Variants in CSMD1 observed in about 807,000 individuals in gnomAD.
CSMD1 encodes the protein CUB and Sushi multiple domains 1.
A neutral mutation model predicts 417.5 loss-of-function variants in CSMD1; 213 were observed. The observed-to-expected ratio is 0.51, with a 90% confidence interval of 0.46 to 0.57. The LOEUF (loss-of-function observed/expected upper bound fraction) is 0.57. Among genes scored for constraint, CSMD1 ranks in the 20% least tolerant of loss-of-function variants. The pLI is 0.00. For missense variants in CSMD1, 6,923 were observed against 4,529.7 expected (o/e 1.53, Z -15.17); for synonymous variants, 2,862 against 1,736.8 (o/e 1.65, Z -16.11).
At chr8:2,990,670 T>C (rs373871996) in intron 54 of CSMD1, among the ~76,000 whole-genome samples, 1 of 152,128 alleles carries the variant, frequency 6.6e-6, no homozygotes, top group Non-Finnish European at 1.5e-5. Context: ...TAAGACACAA[T>C]AGAAGCCTGC....
At chr8:4,878,671 G>A (rs951078086) in intron 1 of CSMD1, among the ~76,000 whole-genome samples, 1 of 151,926 alleles carries the variant, frequency 6.6e-6, no homozygotes, top group Non-Finnish European at 1.5e-5. Flanking sequence ...TGTGAAATGT[G>A]TAGGGTCTTA....
chr8:4,616,644 T>A (rs989595793), intron 2 of CSMD1, among the ~76,000 whole-genome samples: 2 of 152,206 alleles, frequency 1.3e-5, no homozygotes, highest in East Asian at 1.9e-4. Flanking sequence ...ACATTGGACA[T>A]GCCAACGCTT....
intron 10 of CSMD1, among the ~76,000 whole-genome samples, chr8:3,540,960 G>C (rs752211730): frequency 1.3e-5 from 2 of 152,184 alleles, no homozygotes; most frequent in Non-Finnish European, 2.9e-5. Flanking sequence ...CCATTGTGGA[G>C]GACAGTGTGG....
At chr8:4,116,860 G>T (rs1385656328) in intron 3 of CSMD1, among the ~76,000 whole-genome samples, 1 of 151,884 alleles carries the variant, frequency 6.6e-6, no homozygotes, top group Non-Finnish European at 1.5e-5. Context: ...GGCATTTACT[G>T]TACAATGTGC....
intron 30 of CSMD1, among the ~76,000 whole-genome samples, chr8:3,206,799 A>G (rs1797319680): frequency 6.6e-6 from 1 of 152,148 alleles, no homozygotes; most frequent in African/African-American, 2.4e-5. Flanking sequence ...AACACTGTAC[A>G]CAGATGTTCA....
At chr8:4,064,754 G>A (rs1289928807) in intron 3 of CSMD1, among the ~76,000 whole-genome samples, 2 of 152,152 alleles carry the variant, frequency 1.3e-5, no homozygotes, top group African/African-American at 4.8e-5. Flanking sequence ...TCTCAGTACT[G>A]CTGTGGAAAC....
intron 5 of CSMD1, among the ~76,000 whole-genome samples, chr8:3,778,204 G>A (rs182691507): frequency 8.8e-4 from 134 of 152,272 alleles, no homozygotes; most frequent in Non-Finnish European, 1.2e-3. Context: ...GATCCTGGCC[G>A]TTTGTCCTTT....
chr8:3,677,032 T>C (rs1419838505), intron 7 of CSMD1, among the ~76,000 whole-genome samples: 2 of 151,854 alleles, frequency 1.3e-5, no homozygotes, highest in Non-Finnish European at 2.9e-5. Context: ...AGGGAGAGCA[T>C]TAGAACAAAT....
chr8:3,080,637 A>T (rs1419501201), intron 49 of CSMD1, among the ~76,000 whole-genome samples: 1 of 152,184 alleles, frequency 6.6e-6, no homozygotes, highest in Admixed American at 6.5e-5. Flanking sequence ...GAACCCCACA[A>T]TTCGGGATGG....
chr8:4,643,146 C>G (rs1004780484), intron 1 of CSMD1, among the ~76,000 whole-genome samples: 1 of 152,174 alleles, frequency 6.6e-6, no homozygotes, highest in African/African-American at 2.4e-5. Flanking sequence ...AGATAAACAT[C>G]AAAAACAGCC....
intron 10 of CSMD1, among the ~76,000 whole-genome samples, chr8:3,531,627 T>G (rs1797983914): frequency 1.3e-5 from 2 of 152,272 alleles, no homozygotes; most frequent in South Asian, 4.1e-4. Flanking sequence ...AGGTTATGTG[T>G]TAGCATAGGT....
intron 3 of CSMD1, among the ~76,000 whole-genome samples, chr8:4,168,984 T>C (rs1163680681): frequency 6.6e-6 from 1 of 152,122 alleles, no homozygotes; most frequent in Admixed American, 6.5e-5. Flanking sequence ...GTTCTCCTCA[T>C]TTTCCTACTA....
At chr8:4,205,690 G>A (rs1799938430) in intron 3 of CSMD1, among the ~76,000 whole-genome samples, 1 of 151,704 alleles carries the variant, frequency 6.6e-6, no homozygotes, top group Non-Finnish European at 1.5e-5. Flanking sequence ...TTTTTACAAA[G>A]TTTCTTCCTA....
At chr8:4,328,650 C>CTT (rs34769806) in intron 3 of CSMD1, among the ~76,000 whole-genome samples, 1 of 151,970 alleles carries the variant, frequency 6.6e-6, no homozygotes, top group Non-Finnish European at 1.5e-5. Flanking sequence ...AATAACATCA[C>CTT]TTTTTCTCTT....
At chr8:3,196,862 A>G (rs541931130) in intron 33 of CSMD1, among the ~76,000 whole-genome samples, 1 of 152,298 alleles carries the variant, frequency 6.6e-6, no homozygotes, top group African/African-American at 2.4e-5. Flanking sequence ...CAACGGCACG[A>G]AACTAAAGAT....
Position 2,963,377 on chromosome 8 carries a change from G to A in CSMD1, c.9299C>T (p.Pro3100Leu), listed in dbSNP as rs963021286. The change falls in exon 60 of 70, where the codon CCG (proline) becomes CTG (leucine). Residue 3100 changes from proline (P) to leucine (L), a missense_variant. Physicochemically the swap from Pro to Leu is moderately conservative, Grantham distance 98 (BLOSUM62 -3). Transcript: ENST00000635120. ...CACTGTTCCATTCTGCACCGGCGGC[G>A]GCTGAGGACACAGCACGGCTATTTC... ...PVCKAVLCPQ[P>L]PPVQNGTVEG... is the part of the protein sequence containing the mutation. The A allele has an allele frequency of 5.6e-6, 9 of 1,613,860 alleles. No individual in the cohort carries two copies. Among genetic ancestry groups the A allele is most frequent in the Non-Finnish European group, 7.6e-6 (9 of 1,179,836 alleles).
At chr8:3,418,011 T>G (rs1325259525) in intron 12 of CSMD1, among the ~76,000 whole-genome samples, 8 of 152,190 alleles carry the variant, frequency 5.3e-5, no homozygotes, top group Admixed American at 4.6e-4. Flanking sequence ...GGATTGCTGT[T>G]ACAGTGGCCT....
rs1009377813 is a variant in CSMD1, at chr8:4,289,599, T to C, written c.415+130354A>G. ...TTTTGTCCAGGTCTGGCAGTGACGA[T>C]GGTGCCGTGGATGATGGTGGGGATC... On this transcript the variant is annotated intron_variant, in intron 3 of 69. Transcript: ENST00000635120. 2.0e-5 allele frequency among the ~76,000 whole-genome samples: 3 copies of C among 152,188 alleles called. No individual in the cohort carries two copies. The South Asian group carries it at 6.2e-4, about 31-fold the overall frequency.
intron 12 of CSMD1, among the ~76,000 whole-genome samples, chr8:3,420,956 G>A (rs1292175583): frequency 2.0e-5 from 3 of 152,118 alleles, no homozygotes; most frequent in South Asian, 4.1e-4. Flanking sequence ...ATATATTAAA[G>A]AGACTAATAC....
Sources: gnomAD v4.1 joint callset for allele counts (sites outside exome capture counted in the v4.1 genomes callset) on GRCh38, gnomAD v4.1.1 for gene constraint, MANE v1.5 for transcripts, NCBI Gene and HGNC (gene_info 2026-07-23, HGNC 2026-07-21) for gene names.